BRAF: variants seen among roughly 807,000 people sequenced by gnomAD.
The protein encoded by BRAF is B-Raf proto-oncogene, serine/threonine kinase, also known as serine/threonine-protein kinase B-raf.
BRAF carries 16 observed loss-of-function variants against 104.6 expected under a neutral mutation model. That is an observed-to-expected ratio of 0.15 (90% confidence interval 0.10 to 0.23). The LOEUF (loss-of-function observed/expected upper bound fraction) is 0.23, where lower values mean the gene tolerates loss of function less well. Ranked by LOEUF, BRAF falls within the 10% of genes least tolerant of loss-of-function variation. BRAF has a pLI of 1.00. For missense variants in BRAF, 541 were observed against 937.3 expected (o/e 0.58, Z 5.52); for synonymous variants, 310 against 341.6 (o/e 0.91, Z 1.02).
At chr7:140,879,476 G>A (rs577526859) in intron 1 of BRAF, among the ~76,000 whole-genome samples, 7 of 149,420 alleles carry the variant, frequency 4.7e-5, no homozygotes, top group East Asian at 2.0e-4. Context: ...CACTGAGCCC[G>A]GCCCACAATT....
At chr7:140,883,400 G>A (rs180673141) in intron 1 of BRAF, among the ~76,000 whole-genome samples, 59 of 152,136 alleles carry the variant, frequency 3.9e-4, no homozygotes, top group Admixed American at 8.5e-4. Flanking sequence ...TTAATCTGTC[G>A]TATATAACTT....
At chr7:140,904,488 A>C (rs1816068355) in intron 1 of BRAF, among the ~76,000 whole-genome samples, 1 of 152,172 alleles carries the variant, frequency 6.6e-6, no homozygotes, top group African/African-American at 2.4e-5. Context: ...TAAAGACATA[A>C]CATTTGATTC....
intron 1 of BRAF, among the ~76,000 whole-genome samples, chr7:140,898,529 G>C (rs560463404): frequency 6.1e-4 from 93 of 152,264 alleles, no homozygotes; most frequent in Middle Eastern, 3.4e-3. Flanking sequence ...CTAGTAATCA[G>C]AGATGAAAAT....
downstream of BRAF, among the ~76,000 whole-genome samples, chr7:140,718,630 C>T (rs537418928): frequency 8.7e-5 from 13 of 149,366 alleles, no homozygotes; most frequent in African/African-American, 2.0e-4. Flanking sequence ...GTGATCCACC[C>T]GCCTCGGCCT....
chr7:140,921,968 G>C (rs1818273218), intron 1 of BRAF, among the ~76,000 whole-genome samples: 2 of 152,124 alleles, frequency 1.3e-5, no homozygotes, highest in South Asian at 2.1e-4. Flanking sequence ...GCACATTTCA[G>C]TTTCCACTGA....
At chr7:140,920,299 A>C (rs1339532901) in intron 1 of BRAF, among the ~76,000 whole-genome samples, 1 of 152,224 alleles carries the variant, frequency 6.6e-6, no homozygotes, top group Non-Finnish European at 1.5e-5. Flanking sequence ...GAAAGAGAAA[A>C]CAATTTTATA....
Position 140,749,329 on chromosome 7 carries a change from C to G in BRAF, c.2070G>C (p.Met690Ile), listed in dbSNP as rs879255380. The change falls in exon 17 of 20, where the codon ATG becomes ATC. Residue 690 changes from methionine to isoleucine, a missense_variant. Transcript: ENST00000644969. ...TGTTTGAATAAGGTAACTGTCCAGTCATCAATTCATACAGAACAATTCCAA... is the reference window on the plus strand; with the variant it reads ...TGTTTGAATAAGGTAACTGTCCAGTGATCAATTCATACAGAACAATTCCAA... ...YAFGIVLYEL[M>I]TGQLPYSNIN... 2 of 1,612,324 alleles carry G rather than the reference C, an allele frequency of 1.2e-6. No homozygotes were observed. Among genetic ancestry groups the G allele is most frequent in the Non-Finnish European group, 1.7e-6 (2 of 1,179,508 alleles).
At chr7:140,883,009 A>G (rs1353546787) in intron 1 of BRAF, among the ~76,000 whole-genome samples, 1 of 141,082 alleles carries the variant, frequency 7.1e-6, no homozygotes, top group African/African-American at 2.9e-5. Context: ...ATAAAATAAA[A>G]TAAAGTAAAT....
At chr7:140,718,635 C>T (rs555767329), downstream of BRAF, among the ~76,000 whole-genome samples, 10 of 149,652 alleles carry the variant, frequency 6.7e-5, no homozygotes, top group African/African-American at 2.5e-5. Context: ...CCACCCGCCT[C>T]GGCCTCCCAA....
chr7:140,796,408 A>G (rs1345252266), intron 7 of BRAF, among the ~76,000 whole-genome samples: 3 of 152,022 alleles, frequency 2.0e-5, no homozygotes, highest in Non-Finnish European at 4.4e-5. Flanking sequence ...ATTGCATAAG[A>G]TAGTCTACTG....
At chr7:140,851,677 A>G (rs1039149335) in intron 1 of BRAF, among the ~76,000 whole-genome samples, 17 of 152,222 alleles carry the variant, frequency 1.1e-4, no homozygotes, top group African/African-American at 3.6e-4. Context: ...GAAGAAATGT[A>G]TCAAGTCAAG....
intron 5 of BRAF, among the ~76,000 whole-genome samples, chr7:140,802,903 C>G (rs950110673): frequency 1.3e-5 from 2 of 152,178 alleles, no homozygotes; most frequent in Non-Finnish European, 2.9e-5. Context: ...CCTTCACATT[C>G]ACTCACCACT....
At chr7:140,887,485 G>C (rs1813704824) in intron 1 of BRAF, among the ~76,000 whole-genome samples, 1 of 151,912 alleles carries the variant, frequency 6.6e-6, no homozygotes, top group Non-Finnish European at 1.5e-5. Flanking sequence ...TGATGAGTTG[G>C]TTAGGTGGAG....
At chr7:140,734,494 T>C (rs1562930921) in intron 19 of BRAF, 4 of 1,565,922 alleles carry the variant, frequency 2.6e-6, no homozygotes, top group Non-Finnish European at 3.5e-6. Flanking sequence ...TGGTTCACCT[T>C]AAAAAAAAAG....
At chr7:140,828,656 T>C (rs1222537230) in intron 3 of BRAF, among the ~76,000 whole-genome samples, 1 of 152,218 alleles carries the variant, frequency 6.6e-6, no homozygotes, top group Non-Finnish European at 1.5e-5. Flanking sequence ...TGTACCATGA[T>C]TTATACAACC....
chr7:140,916,534 A>C (rs1817654463), intron 1 of BRAF, among the ~76,000 whole-genome samples: 1 of 152,232 alleles, frequency 6.6e-6, no homozygotes, highest in Non-Finnish European at 1.5e-5. Context: ...TTTTTTGGTG[A>C]ATAAACATCT....
At chr7:140,845,955 A>C (rs1303469525) in intron 2 of BRAF, among the ~76,000 whole-genome samples, 1 of 152,204 alleles carries the variant, frequency 6.6e-6, no homozygotes, top group Non-Finnish European at 1.5e-5. Context: ...CTGGCATTAC[A>C]GGTGTGAGCC....
chr7:140,839,215 C>T (rs978824398), intron 2 of BRAF, among the ~76,000 whole-genome samples: 5 of 152,136 alleles, frequency 3.3e-5, no homozygotes, highest in Admixed American at 2.0e-4. Context: ...TGGCTCACGC[C>T]TGCAATCCCA....
At chr7:140,796,763 T>C (rs1639675) in intron 7 of BRAF, among the ~76,000 whole-genome samples, 14,838 of 152,212 alleles carry the variant, frequency 0.097, 786 homozygotes, top group South Asian at 0.19. Context: ...TCTGATGTCA[T>C]TGAATATCTC....
Sources: allele counts gnomAD v4.1 joint callset (sites outside exome capture counted in the v4.1 genomes callset), GRCh38; gene constraint gnomAD v4.1.1; transcripts MANE v1.5; gene names NCBI Gene and HGNC (gene_info 2026-07-23, HGNC 2026-07-21).